Variants in SLC6A12 observed in about 807,000 individuals in gnomAD.
SLC6A12 encodes solute carrier family 6 member 12.
A neutral mutation model predicts 73.3 loss-of-function variants in SLC6A12; 50 were observed. The observed-to-expected ratio is 0.68, with a 90% CI of 0.54 to 0.86. The LOEUF is 0.86. SLC6A12 is among the 40% of genes least tolerant of loss of function. SLC6A12 has a pLI of 0.00. For synonymous variants in SLC6A12, 304 were observed against 309.2 expected (o/e 0.98, Z 0.18); for missense variants, 648 against 772.8 (o/e 0.84, Z 1.92).
chr12:184,451 C>T, the SLC6A12 span, among the ~76,000 whole-genome samples: 5 of 152,136 alleles, frequency 3.3e-5, no homozygotes, highest in Admixed American at 3.3e-4. Context: ...ATGGCAAAAC[C>T]TCATCTCTAC....
At chr12:207,378 A>T (rs982187754) in intron 3 of SLC6A12, among the ~76,000 whole-genome samples, 1 of 152,214 alleles carries the variant, frequency 6.6e-6, no homozygotes, top group African/African-American at 2.4e-5. Flanking sequence ...AACCACTCAC[A>T]ACCCGGATAA....
Position 207,930 on chromosome 12 carries a change from C to G in SLC6A12, c.214+1843G>C, listed in dbSNP as rs533803363. ...CCATAATGTTACTGCGGGTACTCAT[C>G]TCTCTCTCTCCACCCCACCCCACGG... On this transcript the variant is annotated intron_variant, in intron 3 of 15. Transcript: ENST00000684302. 3.3e-5 allele frequency among the ~76,000 whole-genome samples: 5 copies of G among 152,156 alleles called. No individual in the cohort carries two copies. In the South Asian group the frequency reaches 1.0e-3, roughly 32 times the overall value.
downstream of SLC6A12, among the ~76,000 whole-genome samples, chr12:187,047 G>A (rs991822402): frequency 2.0e-5 from 3 of 152,226 alleles, no homozygotes; most frequent in Admixed American, 6.5e-5. Context: ...AAGCGAATAT[G>A]TGAGAAAACC....
downstream of SLC6A12, among the ~76,000 whole-genome samples, chr12:187,068 G>A (rs538754981): frequency 3.3e-5 from 5 of 152,356 alleles, no homozygotes; most frequent in Admixed American, 2.6e-4. Context: ...AGGTGTGACA[G>A]AAGTGGGAAG....
intron 15 of SLC6A12, 138 bp downstream of exon 15, chr12:192,340 T>G: frequency 1.4e-6 from 1 of 726,786 alleles, no homozygotes; most frequent in Admixed American, 2.7e-5. Context: ...TTCGTCTCGT[T>G]AAGATTCTGT....
rs755922397 is a variant in SLC6A12 at position 209,799 on chromosome 12, G to T, written c.188C>A (p.Pro63His). 1 of 1,614,154 alleles carries T rather than the reference G, an allele frequency of 6.2e-7. No homozygotes were observed. The highest frequency in any genetic ancestry group is 1.3e-5 in the African/African-American group (1 of 75,028). The part of the protein sequence containing the change: ...IIGLGNVWRF[P>H]YLCYKNGGGA... Reference sequence around the variant, plus strand: ...ACCTCCGTTTTTGTAGCAGAGATAGGGAAACCTCCAGACATTGCCCAGCCC... The same window carrying T: ...ACCTCCGTTTTTGTAGCAGAGATAGTGAAACCTCCAGACATTGCCCAGCCC... The change falls in exon 3 of 16, where the codon CCC (proline) becomes CAC (histidine). Residue 63 changes from proline to histidine, a missense_variant. Transcript: ENST00000684302.
downstream of SLC6A12, among the ~76,000 whole-genome samples, chr12:185,180 A>G (rs1939409637): frequency 6.6e-6 from 1 of 152,254 alleles, no homozygotes; most frequent in South Asian, 2.1e-4. Context: ...GAAAAGGCTG[A>G]GGCTGGACAG....
In SLC6A12 at chr12:198,841, T is replaced by G. The variant is rs749942377; in HGVS notation, c.802A>C (p.Ile268Leu). The G allele has an allele frequency of 6.2e-7, 1 of 1,614,228 alleles. No individual in the cohort carries two copies. The highest frequency in any genetic ancestry group is 1.1e-5 in the South Asian group (1 of 91,090). Residue 268 changes from isoleucine (I) to leucine (L), a missense_variant, in exon 8 of 16, where the codon ATC (isoleucine) becomes CTC (leucine). By Grantham distance (5) the Ile-to-Leu change is conservative. Transcript: ENST00000684302. This position sits in a 1 kb window ranked among gnomAD's most constrained non-coding sequence, Gnocchi z 4.0. ...AACAAATCTGGCTTCAAGTAGTAGA[T>G]GATGCCCTGGTAGGCTCCGGGAAGG... ...VTLPGAYQGIIYYLKPDLFRL... is the reference protein window; with the variant it reads ...VTLPGAYQGILYYLKPDLFRL...
chr12:210,340 A>G, intron 2 of SLC6A12: 2 of 1,144,844 alleles, frequency 1.7e-6, no homozygotes, highest in South Asian at 4.1e-5. Flanking sequence ...TTTTATCTGT[A>G]CAGCTCGCCA....
At chr12:186,790 GA>G (rs1337937464), downstream of SLC6A12, among the ~76,000 whole-genome samples, 1 of 152,178 alleles carries the variant, frequency 6.6e-6, no homozygotes, top group African/African-American at 2.4e-5. Flanking sequence ...TTCTTCGGGA[GA>G]ATGTCCAGGT....
chr12:186,444 T>G (rs1347623319), downstream of SLC6A12, among the ~76,000 whole-genome samples: 1 of 152,314 alleles, frequency 6.6e-6, no homozygotes, highest in East Asian at 1.9e-4. Flanking sequence ...ACCATATGCA[T>G]TTCTCACCTC....
chr12:209,661 A>G, intron 3 of SLC6A12, 112 bp downstream of exon 3: 3 of 1,182,886 alleles, frequency 2.5e-6, no homozygotes, highest in Non-Finnish European at 2.5e-6. Context: ...TCCAATTCCA[A>G]AATAGCCCTC....
chr12:197,104 TCCATCCATCC>T (rs1939913760), intron 10 of SLC6A12, among the ~76,000 whole-genome samples: 1 of 94,728 alleles, frequency 1.1e-5, no homozygotes, highest in African/African-American at 4.2e-5. Flanking sequence ...CATCCATCCA[TCCATCCATCC>T]ATCCATCCAT....
At chr12:187,807 A>T (rs942589628), downstream of SLC6A12, among the ~76,000 whole-genome samples, 2 of 152,008 alleles carry the variant, frequency 1.3e-5, no homozygotes, top group Admixed American at 6.6e-5. Flanking sequence ...CCGTTTTGAC[A>T]GGGTTTTGAT....
At position 200,787 on chromosome 12, in the gene SLC6A12, G is replaced by A. The variant is rs1199989272; in HGVS notation, c.579-4C>T. On this transcript the variant is annotated splice_polypyrimidine_tract_variant and splice_region_variant and intron_variant, in intron 6 of 15. Transcript: ENST00000684302. ...GGTGATGCCCAGAACTCGTCTCCTG[G>A]AGGATTGGGAAAAATAAGTAATGAG... The A allele has an allele frequency of 2.5e-6, 4 of 1,612,648 alleles. No homozygotes were observed. Among genetic ancestry groups the A allele is most frequent in the Admixed American group, 1.7e-5 (1 of 59,728 alleles).
In SLC6A12 at chr12:196,206, A is replaced by T; in HGVS notation, c.1244T>A (p.Leu415His). Residue 415 changes from leucine to histidine, a missense_variant, in exon 12 of 16, where the codon CTC (leucine) becomes CAC (histidine). Transcript: ENST00000684302. ...GAGCTCGCGCCGCCCGCTCTTCCGG[A>T]GCTGCCTGGGGAACATGTCTATGGA... ...TASIDMFPRQ[L>H]RKSGRRELLI... is the part of the protein sequence containing the mutation. The T allele has an allele frequency of 1.3e-6, 2 of 1,596,252 alleles. No homozygotes were observed. Among genetic ancestry groups the T allele is most frequent in the Non-Finnish European group, 1.7e-6 (2 of 1,172,888 alleles).
chr12:200,988 C>T (rs984988092), intron 6 of SLC6A12, among the ~76,000 whole-genome samples: 2 of 152,174 alleles, frequency 1.3e-5, no homozygotes, highest in East Asian at 1.9e-4. Context: ...ATCTTTCTAA[C>T]TCATCCAGAT....
intron 3 of SLC6A12, among the ~76,000 whole-genome samples, chr12:208,317 C>T (rs749923551): frequency 2.6e-4 from 39 of 152,162 alleles, no homozygotes; most frequent in Non-Finnish European, 5.1e-4. Flanking sequence ...CCCAAGAAAG[C>T]CTACCGCTAT....
At chr12:186,376 G>A (rs914513269), downstream of SLC6A12, among the ~76,000 whole-genome samples, 2 of 152,178 alleles carry the variant, frequency 1.3e-5, no homozygotes, top group African/African-American at 2.4e-5. Flanking sequence ...TTGGATCCAA[G>A]GATAGGTATT....
Sources: allele counts gnomAD v4.1 joint callset (sites outside exome capture counted in the v4.1 genomes callset), GRCh38; gene constraint gnomAD v4.1.1; non-coding constraint Gnocchi (gnomAD v3.1); transcripts MANE v1.5; gene names NCBI Gene and HGNC (gene_info 2026-07-23, HGNC 2026-07-21).